The following HDAC9 variants were observed in gnomAD, a reference collection of about 807,000 sequenced individuals.
HDAC9 encodes the protein histone deacetylase 9, also known as MEF-2 interacting transcription repressor (MITR) protein.
In HDAC9, 41 loss-of-function variants were observed where a neutral mutation model predicts 139.4. That is an observed-to-expected ratio of 0.29 (90% CI 0.23 to 0.38). HDAC9 has a LOEUF of 0.38. HDAC9 is among the 10% of genes least tolerant of loss of function. HDAC9 has a pLI of 1.00. For synonymous variants in HDAC9, 517 were observed against 476.2 expected (o/e 1.09, Z -1.12); for missense variants, 1,147 against 1,297.0 (o/e 0.88, Z 1.78).
chr7:18,392,919 CA>C (rs773532939), intron 1 of HDAC9, among the ~76,000 whole-genome samples: 2,835 of 44,386 alleles, frequency 0.064, 34 homozygotes, highest in African/African-American at 0.15. Context: ...CCATGACTGG[CA>C]AAAAAAAAAA....
chr7:18,833,540 C>G (rs550739378), intron 19 of HDAC9, among the ~76,000 whole-genome samples: 1 of 152,274 alleles, frequency 6.6e-6, no homozygotes, highest in African/African-American at 2.4e-5. Context: ...CAGTAACAAA[C>G]ACAAAAGACA....
At chr7:18,228,190 A>G (rs745741343) in intron 2 of HDAC9, among the ~76,000 whole-genome samples, 8 of 152,184 alleles carry the variant, frequency 5.3e-5, no homozygotes, top group Non-Finnish European at 8.8e-5. Context: ...CATAGAATAA[A>G]GGGGGTTGTT....
chr7:18,437,402 G>A (rs993848001), intron 1 of HDAC9, among the ~76,000 whole-genome samples: 1 of 151,976 alleles, frequency 6.6e-6, no homozygotes. Flanking sequence ...CTCATTTCAA[G>A]CCTTTGCATC....
chr7:18,617,540 T>A (rs1838984030), intron 6 of HDAC9, among the ~76,000 whole-genome samples: 1 of 152,170 alleles, frequency 6.6e-6, no homozygotes, highest in Non-Finnish European at 1.5e-5. Context: ...TATATATACT[T>A]CCTCTCTGTT....
At chr7:18,493,438 T>C (rs1208654127), upstream of HDAC9, among the ~76,000 whole-genome samples, 1 of 151,968 alleles carries the variant, frequency 6.6e-6, no homozygotes, top group Non-Finnish European at 1.5e-5. Context: ...ATATAAATGC[T>C]AGACCTATAT....
intron 11 of HDAC9, among the ~76,000 whole-genome samples, chr7:18,664,059 G>A (rs936017477): frequency 2.0e-5 from 3 of 152,090 alleles, no homozygotes; most frequent in Non-Finnish European, 2.9e-5. Context: ...CAATTAAATG[G>A]GTTCCTACAA....
chr7:18,663,042 C>T (rs1793702739), intron 11 of HDAC9, among the ~76,000 whole-genome samples: 5 of 151,754 alleles, frequency 3.3e-5, no homozygotes, highest in Non-Finnish European at 7.4e-5. Context: ...GGAGCCTAGT[C>T]CAGAAAGGAG....
chr7:18,724,505 G>T (rs1004939182), intron 12 of HDAC9, among the ~76,000 whole-genome samples: 1 of 152,172 alleles, frequency 6.6e-6, no homozygotes, highest in Admixed American at 6.6e-5. Context: ...GTTGCTGTGG[G>T]TGAGTCAGCG....
chr7:18,926,091 G>A (rs1365867239), intron 22 of HDAC9, among the ~76,000 whole-genome samples: 1 of 152,172 alleles, frequency 6.6e-6, no homozygotes, highest in Non-Finnish European at 1.5e-5. Context: ...GCTCACACCT[G>A]TAATCCCAGA....
chr7:18,484,130 C>T (rs1159373478), intron 1 of HDAC9, among the ~76,000 whole-genome samples: 1 of 149,246 alleles, frequency 6.7e-6, no homozygotes. Context: ...ATTGCTTGAG[C>T]CAAGGAGTTC....
intron 2 of HDAC9, among the ~76,000 whole-genome samples, chr7:18,250,490 G>C (rs1295131726): frequency 6.6e-6 from 1 of 152,182 alleles, no homozygotes; most frequent in Non-Finnish European, 1.5e-5. Flanking sequence ...CTCACTCATA[G>C]TTGTGGGCTT....
At position 18,421,624 on chromosome 7, in the gene HDAC9, A is replaced by G. The variant is rs528204853; in HGVS notation, c.-41-74638A>G. Among the ~76,000 whole-genome samples the G allele has an allele frequency of 2.0e-5, 3 of 152,354 alleles. No homozygotes were observed. In the South Asian group the frequency reaches 6.2e-4, roughly 32 times the overall value. On this transcript the variant is annotated intron_variant, in intron 1 of 3. Coordinates refer to the HDAC9 transcript ENST00000413509. The stretch of plus-strand genomic sequence containing the variant: ...AGCTGGGAGACAGATTCACACGTTC[A>G]TAAAGTGAAACTTCCAGGGCATAAT...
chr7:18,396,380 A>G (rs1787061913), intron 1 of HDAC9, among the ~76,000 whole-genome samples: 1 of 152,158 alleles, frequency 6.6e-6, no homozygotes, highest in African/African-American at 2.4e-5. Flanking sequence ...ATGCTGTAGA[A>G]GGGTGGAGGG....
At chr7:18,505,204 G>A (rs1345306933) in intron 2 of HDAC9, among the ~76,000 whole-genome samples, 1 of 152,326 alleles carries the variant, frequency 6.6e-6, no homozygotes, top group African/African-American at 2.4e-5. Context: ...CTGTTTGCCA[G>A]TGTTCATGAT....
intron 2 of HDAC9, among the ~76,000 whole-genome samples, chr7:18,281,702 T>G (rs1382277235): frequency 1.3e-5 from 2 of 152,180 alleles, no homozygotes; most frequent in Non-Finnish European, 1.5e-5. Flanking sequence ...TAAGCAGAGC[T>G]CAAGTGCTGT....
intron 2 of HDAC9, among the ~76,000 whole-genome samples, chr7:18,558,308 T>C (rs1328204219): frequency 6.6e-6 from 1 of 152,188 alleles, no homozygotes; most frequent in African/African-American, 2.4e-5. Flanking sequence ...TATTGGTGTT[T>C]CTTTCATAGG....
At chr7:18,318,810 A>G (rs1585151564) in intron 1 of HDAC9, among the ~76,000 whole-genome samples, 2 of 152,062 alleles carry the variant, frequency 1.3e-5, no homozygotes, top group African/African-American at 4.8e-5. Flanking sequence ...ATAAGGGGGG[A>G]TAATACTCCC....
chr7:18,990,187 A>G (rs1167067679), intron 25 of HDAC9, among the ~76,000 whole-genome samples: 3 of 151,854 alleles, frequency 2.0e-5, no homozygotes, highest in Non-Finnish European at 2.9e-5. Context: ...TTGTGGTTTT[A>G]TCTACTTTTG....
chr7:18,218,049 A>C (rs886910914), intron 2 of HDAC9, among the ~76,000 whole-genome samples: 5 of 152,132 alleles, frequency 3.3e-5, no homozygotes, highest in Non-Finnish European at 1.5e-5. Context: ...TTGGCAAAAG[A>C]TGTTGGTTTT....
Sources: allele counts gnomAD v4.1 joint callset (sites outside exome capture counted in the v4.1 genomes callset), GRCh38; gene constraint gnomAD v4.1.1; transcripts MANE v1.5; gene names NCBI Gene and HGNC (gene_info 2026-07-23, HGNC 2026-07-21).